Variants in CORO1C observed in about 807,000 individuals in gnomAD.
CORO1C encodes the protein coronin-1C.
In CORO1C, 14 loss-of-function variants were observed where a neutral mutation model predicts 51.2. The observed-to-expected ratio is 0.27, with a 90% CI of 0.18 to 0.43. The LOEUF is 0.43. CORO1C is among the 20% of genes least tolerant of loss of function. CORO1C has a pLI of 1.00. For missense variants in CORO1C, 417 were observed against 607.8 expected (o/e 0.69, Z 3.30); for synonymous variants, 181 against 210.5 (o/e 0.86, Z 1.21).
chr12:108,710,377 T>C (rs535902030), intron 1 of CORO1C, among the ~76,000 whole-genome samples: 17 of 152,216 alleles, frequency 1.1e-4, no homozygotes, highest in Middle Eastern at 3.4e-3. Flanking sequence ...TTAATAAACT[T>C]GTTTTCACTT....
At chr12:108,715,651 C>G (rs1305995464) in intron 1 of CORO1C, among the ~76,000 whole-genome samples, 2 of 144,656 alleles carry the variant, frequency 1.4e-5, no homozygotes, top group African/African-American at 2.6e-5. Flanking sequence ...CCCTCCCCCC[C>G]GCATACTCAC....
chr12:108,702,848 C>T (rs779002250), intron 1 of CORO1C: 34 of 1,535,468 alleles, frequency 2.2e-5, no homozygotes, highest in South Asian at 1.9e-4. Context: ...GGGCATGTAG[C>T]CGGGCTGAAG....
At chr12:108,660,358 G>T (rs566524690) in intron 4 of CORO1C, among the ~76,000 whole-genome samples, 2 of 151,340 alleles carry the variant, frequency 1.3e-5, no homozygotes, top group Non-Finnish European at 2.9e-5. Flanking sequence ...GGCTGAGGCA[G>T]GAGAATCGCT....
chr12:108,713,976 T>C (rs2035256893), intron 1 of CORO1C, among the ~76,000 whole-genome samples: 1 of 152,212 alleles, frequency 6.6e-6, no homozygotes, highest in Admixed American at 6.5e-5. Context: ...AAACCAGCTG[T>C]AGGCATTCAA....
chr12:108,660,836 T>C (rs2033231176), intron 4 of CORO1C, among the ~76,000 whole-genome samples: 1 of 152,204 alleles, frequency 6.6e-6, no homozygotes, highest in Non-Finnish European at 1.5e-5. Flanking sequence ...TCGATGGTGA[T>C]TATAAAAAAC....
At chr12:108,714,720 G>A (rs142710311) in intron 1 of CORO1C, among the ~76,000 whole-genome samples, 3,681 of 151,696 alleles carry the variant, frequency 0.024, 159 homozygotes, top group African/African-American at 0.085. Flanking sequence ...CCAAGATCAC[G>A]ACACTGCACT....
At chr12:108,650,596 C>A (rs371951939) in intron 8 of CORO1C, among the ~76,000 whole-genome samples, 1 of 152,276 alleles carries the variant, frequency 6.6e-6, no homozygotes, top group South Asian at 2.1e-4. Flanking sequence ...GTGTGACAAC[C>A]TCACCAAGCC....
At position 108,652,336 on chromosome 12, in the gene CORO1C, G is replaced by C; in HGVS notation, c.937C>G (p.Pro313Ala). Reference protein sequence around the residue: ...HYLNTFSSKEPQRGMGYMPKR... With the variant: ...HYLNTFSSKEAQRGMGYMPKR... ...GGCATGTAACCCATCCCTCTCTGAG[G>C]CTCCTTGCTGCTGAATGTGTTGAGG... Residue 313 changes from proline (P) to alanine (A), a missense_variant, in exon 8 of 11, where the codon CCT becomes GCT. By Grantham distance (27) the Pro-to-Ala change is conservative. Coordinates refer to ENST00000261401, the MANE Select transcript of CORO1C (RefSeq NM_014325.4). 3 of 1,613,800 alleles carry C rather than the reference G, an allele frequency of 1.9e-6. No homozygotes were observed. The highest frequency in any genetic ancestry group is 2.5e-6 in the Non-Finnish European group (3 of 1,179,756).
intron 1 of CORO1C, among the ~76,000 whole-genome samples, chr12:108,707,681 C>T (rs1452411428): frequency 6.6e-6 from 1 of 152,132 alleles, no homozygotes; most frequent in Non-Finnish European, 1.5e-5. Context: ...AGGACACTAT[C>T]AAGAAATCGA....
intron 6 of CORO1C, among the ~76,000 whole-genome samples, chr12:108,655,184 T>C (rs1043803335): frequency 1.3e-5 from 2 of 152,198 alleles, no homozygotes; most frequent in African/African-American, 2.4e-5. Flanking sequence ...ATTGAGATGA[T>C]AGAATGTATG....
intron 3 of CORO1C, among the ~76,000 whole-genome samples, chr12:108,664,904 G>T (rs921657670): frequency 4.6e-5 from 7 of 152,152 alleles, no homozygotes; most frequent in Admixed American, 4.6e-4. Context: ...TTATGAAATG[G>T]GACTTCAGTG....
At chr12:108,657,013 C>T (rs1233864794) in intron 6 of CORO1C, among the ~76,000 whole-genome samples, 1 of 151,852 alleles carries the variant, frequency 6.6e-6, no homozygotes, top group Non-Finnish European at 1.5e-5. Flanking sequence ...CTGCCAAATC[C>T]CCCTCTGCAA....
intron 4 of CORO1C, among the ~76,000 whole-genome samples, chr12:108,659,597 A>G (rs1005344684): frequency 6.6e-6 from 1 of 152,220 alleles, no homozygotes; most frequent in African/African-American, 2.4e-5. Context: ...TGCTTTCTGC[A>G]CTTGGTGGTA....
chr12:108,727,309 T>A (rs766161190), intron 1 of CORO1C, among the ~76,000 whole-genome samples: 1 of 152,366 alleles, frequency 6.6e-6, no homozygotes, highest in South Asian at 2.1e-4. Context: ...GAAGTTTTCA[T>A]GGAGGAAAAA....
At chr12:108,700,364 ATAAAG>A (rs1471386208) in intron 2 of CORO1C, among the ~76,000 whole-genome samples, 1 of 152,106 alleles carries the variant, frequency 6.6e-6, no homozygotes, top group Non-Finnish European at 1.5e-5. Context: ...GGATTTGCTG[ATAAAG>A]TAACTATAGA....
chr12:108,656,055 G>T (rs536801224), intron 6 of CORO1C, among the ~76,000 whole-genome samples: 1 of 147,880 alleles, frequency 6.8e-6, no homozygotes, highest in African/African-American at 2.5e-5. Context: ...GGTTAGGAGC[G>T]TCTCTGCCTG....
chr12:108,714,739 G>A (rs150552662), intron 1 of CORO1C, among the ~76,000 whole-genome samples: 3 of 151,900 alleles, frequency 2.0e-5, no homozygotes, highest in Admixed American at 6.6e-5. Context: ...CTCCAGCCTG[G>A]GGGACACAGT....
At chr12:108,659,246 T>G (rs2033155549) in intron 4 of CORO1C, among the ~76,000 whole-genome samples, 1 of 152,232 alleles carries the variant, frequency 6.6e-6, no homozygotes, top group Non-Finnish European at 1.5e-5. Context: ...GAACCCTATT[T>G]TCTTTAAAGA....
intron 3 of CORO1C, 99 bp from the exon 4 acceptor site, chr12:108,662,257 C>T (rs2033297677): frequency 2.9e-6 from 3 of 1,019,378 alleles, no homozygotes; most frequent in African/African-American, 1.6e-5. Flanking sequence ...TCTATGTAAA[C>T]AGAACATAGA....
Sources: allele counts gnomAD v4.1 joint callset (sites outside exome capture counted in the v4.1 genomes callset), GRCh38; gene constraint gnomAD v4.1.1; transcripts MANE v1.5; gene names NCBI Gene and HGNC (gene_info 2026-07-23, HGNC 2026-07-21).